The following KCNJ6 variants were observed in gnomAD, a reference collection of about 807,000 sequenced individuals.
KCNJ6 encodes the protein potassium inwardly rectifying channel subfamily J member 6.
KCNJ6 carries 9 observed loss-of-function variants against 34.2 expected under a neutral mutation model. The observed-to-expected ratio is 0.26, with a 90% CI of 0.16 to 0.46. The LOEUF is 0.46. KCNJ6 is among the 20% of genes least tolerant of loss of function. The pLI is 1.00. For synonymous variants in KCNJ6, 196 were observed against 207.1 expected, an observed-to-expected ratio of 0.95 and a Z score of 0.46; for missense variants, 236 against 531.3, an observed-to-expected ratio of 0.44 and a Z score of 5.46.
chr21:37,635,104 A>G lies in KCNJ6; in HGVS notation c.947-9620T>C, dbSNP rs575663521. 4.6e-5 allele frequency among the ~76,000 whole-genome samples: 7 copies of G among 152,254 alleles called. No homozygotes were observed. In the South Asian group the frequency reaches 1.5e-3, roughly 32 times the overall value. On this transcript the variant is annotated intron_variant, in intron 3 of 3. Transcript: ENST00000609713. ...AAGAAAGCAAGGGAATGTTAAAAAC[A>G]AGTAGTTATATTGGGGTGAGAAAGG...
intron 1 of KCNJ6, among the ~76,000 whole-genome samples, chr21:37,902,990 A>AT (rs1010294994): frequency 5.9e-5 from 9 of 151,696 alleles, no homozygotes; most frequent in East Asian, 5.8e-4. Flanking sequence ...TCTTAAGCCC[A>AT]TTTTTTTTCC....
At chr21:37,835,818 CCCT>C in intron 2 of KCNJ6, among the ~76,000 whole-genome samples, 1 of 152,138 alleles carries the variant, frequency 6.6e-6, no homozygotes, top group African/African-American at 2.4e-5. Context: ...CTAACCCTAA[CCCT>C]AACCCTAACC....
intron 1 of KCNJ6, among the ~76,000 whole-genome samples, chr21:37,907,625 T>G (rs547846820): frequency 2.0e-5 from 3 of 152,316 alleles, no homozygotes; most frequent in African/African-American, 4.8e-5. Flanking sequence ...TGAAAATGCT[T>G]TCTTATATTG....
At position 37,844,498 on chromosome 21, in the gene KCNJ6, G is replaced by A. The variant is rs758121738; in HGVS notation, c.-27-3789C>T. Among the ~76,000 whole-genome samples the A allele has an allele frequency of 3.3e-5, 5 of 152,100 alleles. No individual in the cohort carries two copies. In the East Asian group the frequency reaches 5.8e-4, roughly 18 times the overall value. On this transcript the variant is annotated intron_variant, in intron 1 of 3. Transcript: ENST00000609713. ...GCTCTGGGGGATCTATCTAAAACCT[G>A]ACATGGCCTCTCCCTGCTTGAAATC...
chr21:37,780,409 G>A (rs2055163574), intron 2 of KCNJ6, among the ~76,000 whole-genome samples: 1 of 152,164 alleles, frequency 6.6e-6, no homozygotes, highest in East Asian at 1.9e-4. Flanking sequence ...ACATCATGTA[G>A]TTGTCCAAAC....
In KCNJ6 at chr21:37,612,058, AGAT is replaced by A. The variant is rs2054244506; in HGVS notation, c.*13098_*13100del. ...GAAATAAAACTTTGTCTTTGTTTAC[AGAT>A]GACATGATCATCTATGTAGAAAATC... On this transcript the variant is annotated 3_prime_UTR_variant, in exon 4 of 4. Coordinates refer to ENST00000609713, the MANE Select transcript of KCNJ6 (RefSeq NM_002240.5). The A allele has an allele frequency of 6.6e-6, 1 of 152,248 alleles. No homozygotes were observed. The highest frequency in any genetic ancestry group is 1.5e-5 in the Non-Finnish European group (1 of 68,032). The allele number at this position is 152,248 out of a possible 1,614,324, so 9.4% of individuals were successfully genotyped here. A position where few individuals can be genotyped will look rare whatever the true frequency, so the allele number is the denominator to read the frequency against.
chr21:37,703,036 T>C (rs2054699582), intron 3 of KCNJ6, among the ~76,000 whole-genome samples: 1 of 152,088 alleles, frequency 6.6e-6, no homozygotes, highest in Non-Finnish European at 1.5e-5. Context: ...GGTGATTCTT[T>C]CTAGAAGTCC....
chr21:37,828,945 A>C (rs2055412085), intron 2 of KCNJ6, among the ~76,000 whole-genome samples: 1 of 152,126 alleles, frequency 6.6e-6, no homozygotes, highest in Non-Finnish European at 1.5e-5. Context: ...TGCAGGTCCC[A>C]TTTGTTTGCA....
Position 37,607,463 on chromosome 21 carries a change from G to GATATATATATATATAT in KCNJ6, c.*17680_*17695dup, listed in dbSNP as rs34826537. The GATATATATATATATAT allele has an allele frequency of 0.012, 1,548 of 128,542 alleles. 24 individuals carry two copies. The highest frequency in any genetic ancestry group is 0.015 in the African/African-American group (526 of 34,018). 8.0% of individuals were successfully genotyped at this position (128,542 alleles called of 1,614,324 possible). ...TTCCCTAACACAGCGAGTTCTTAAAGATATATATATATATATATATTTTTT... is the reference window on the plus strand; with the variant it reads ...TTCCCTAACACAGCGAGTTCTTAAAGATATATATATATATATATATATATATATATATATATTTTTT... On this transcript the variant is annotated 3_prime_UTR_variant, in exon 4 of 4. Transcript: ENST00000609713.
At chr21:37,747,372 A>G (rs1277925010) in intron 2 of KCNJ6, among the ~76,000 whole-genome samples, 1 of 152,218 alleles carries the variant, frequency 6.6e-6, no homozygotes. Flanking sequence ...ATTGCTCCAA[A>G]GGGATGAAGC....
intron 2 of KCNJ6, among the ~76,000 whole-genome samples, chr21:37,733,127 T>C (rs1185619923): frequency 6.6e-6 from 1 of 152,248 alleles, no homozygotes; most frequent in African/African-American, 2.4e-5. Context: ...TTTGAACAAA[T>C]TAATGCTGAC....
intron 3 of KCNJ6, among the ~76,000 whole-genome samples, chr21:37,685,403 C>T (rs1025528741): frequency 2.0e-5 from 3 of 149,980 alleles, no homozygotes; most frequent in African/African-American, 4.9e-5. Context: ...CTATCCTGGC[C>T]GGGTGCAGTG....
At chr21:37,860,302 C>T (rs991951550) in intron 1 of KCNJ6, among the ~76,000 whole-genome samples, 1 of 152,108 alleles carries the variant, frequency 6.6e-6, no homozygotes, top group African/African-American at 2.4e-5. Context: ...TGGGAAAGAC[C>T]ATGGGGCTCT....
intron 2 of KCNJ6, among the ~76,000 whole-genome samples, chr21:37,805,925 A>C (rs2055291427): frequency 6.6e-6 from 1 of 152,226 alleles, no homozygotes; most frequent in South Asian, 2.1e-4. Flanking sequence ...GACCCTGTTG[A>C]CATCTGAATT....
intron 2 of KCNJ6, among the ~76,000 whole-genome samples, chr21:37,753,719 G>A (rs1299459641): frequency 6.6e-6 from 1 of 152,184 alleles, no homozygotes; most frequent in African/African-American, 2.4e-5. Context: ...CCTGCAGATC[G>A]AGGGAACGCT....
intron 1 of KCNJ6, among the ~76,000 whole-genome samples, chr21:37,896,971 C>T (rs944677984): frequency 1.3e-5 from 2 of 152,184 alleles, no homozygotes; most frequent in Non-Finnish European, 2.9e-5. Flanking sequence ...GGAGCTGTGG[C>T]ACTGCTGGGG....
intron 2 of KCNJ6, among the ~76,000 whole-genome samples, chr21:37,838,413 C>A (rs1048247304): frequency 1.3e-5 from 2 of 152,202 alleles, no homozygotes; most frequent in African/African-American, 4.8e-5. Context: ...CCATTTCCAA[C>A]AGAAGGAAGC....
At chr21:37,742,951 C>T (rs896128282) in intron 2 of KCNJ6, among the ~76,000 whole-genome samples, 1 of 152,226 alleles carries the variant, frequency 6.6e-6, no homozygotes, top group Non-Finnish European at 1.5e-5. Context: ...TGTGTGCCCA[C>T]ATGTTGCCTC....
intron 1 of KCNJ6, among the ~76,000 whole-genome samples, chr21:37,911,920 C>T (rs1463121915): frequency 6.6e-6 from 1 of 152,128 alleles, no homozygotes; most frequent in African/African-American, 2.4e-5. Flanking sequence ...TCTATAACTT[C>T]TTAAATAACT....
Sources: gnomAD v4.1 joint callset for allele counts (sites outside exome capture counted in the v4.1 genomes callset) on GRCh38, gnomAD v4.1.1 for gene constraint, MANE v1.5 for transcripts, NCBI Gene and HGNC (gene_info 2026-07-23, HGNC 2026-07-21) for gene names.